Variants in RGS7 observed in about 807,000 individuals in gnomAD.
RGS7 encodes regulator of G protein signaling 7, also known as regulator of G-protein signaling 7.
RGS7 carries 27 observed loss-of-function variants against 81.1 expected under a neutral mutation model. The observed-to-expected ratio is 0.33, with a 90% CI of 0.25 to 0.46. RGS7 has a LOEUF of 0.46. RGS7 is among the 20% of genes least tolerant of loss of function. The pLI is 1.00. For synonymous variants in RGS7, 208 were observed against 207.7 expected (o/e 1.00, Z -0.01); for missense variants, 396 against 607.4 (o/e 0.65, Z 3.66).
intron 6 of RGS7, chr1:240,919,661 G>T: frequency 2.0e-6 from 1 of 504,926 alleles, no homozygotes. Context: ...TCATGCCTAA[G>T]TCAGAGTCTC....
chr1:241,197,080 A>G (rs931753799), intron 2 of RGS7, among the ~76,000 whole-genome samples: 1 of 151,688 alleles, frequency 6.6e-6, no homozygotes, highest in Non-Finnish European at 1.5e-5. Context: ...TAATATATCA[A>G]TAACATTAAA....
chr1:240,992,457 T>TTG (rs1686592547), intron 3 of RGS7, among the ~76,000 whole-genome samples: 1 of 151,736 alleles, frequency 6.6e-6, no homozygotes, highest in African/African-American at 2.4e-5. Context: ...TGAGCCAAGA[T>TTG]CACGCCACTG....
chr1:241,220,994 G>GAAGAAAGA (rs1491445106), intron 2 of RGS7, among the ~76,000 whole-genome samples: 1,340 of 93,420 alleles, frequency 0.014, 35 homozygotes, highest in Middle Eastern at 0.019. Flanking sequence ...AGGAAGGAAG[G>GAAGAAAGA]AAGAGAGAGA....
intron 2 of RGS7, among the ~76,000 whole-genome samples, chr1:241,111,608 T>C (rs976072049): frequency 6.7e-6 from 1 of 148,254 alleles, no homozygotes; most frequent in Admixed American, 6.7e-5. Context: ...AGACCCCCCC[T>C]CTCTACAAGT....
chr1:240,783,903 C>CGGTGATTCAT (rs1277399989), intron 18 of RGS7, among the ~76,000 whole-genome samples: 3 of 150,006 alleles, frequency 2.0e-5, no homozygotes, highest in Non-Finnish European at 4.4e-5. Context: ...TGGCCAGGTG[C>CGGTGATTCAT]GGTGATTCAT....
chr1:240,812,015 G>A lies in RGS7; in HGVS notation c.985C>T (p.Arg329Ter), dbSNP rs1171026927. The change falls in exon 14 of 19, where the codon CGA becomes TGA. Residue 329 changes from arginine to a stop codon, truncating the protein, a stop_gained. Coordinates refer to ENST00000440928, the MANE Select transcript of RGS7 (RefSeq NM_001364886.1). LOFTEE classifies it high-confidence loss of function. ...SKEPSQQRVKRWGFGMDEALK... is the reference protein window; with the variant it reads ...SKEPSQQRVK ...GCCTCGTCCATGCCAAAACCCCATCGTTTTACCCTCTGCTGGCTCGGTTCT... is the reference window on the plus strand; with the variant it reads ...GCCTCGTCCATGCCAAAACCCCATCATTTTACCCTCTGCTGGCTCGGTTCT... 6.2e-7 allele frequency: 1 copy of A among 1,614,058 alleles called. No individual in the cohort carries two copies. The highest frequency in any genetic ancestry group is 8.5e-7 in the Non-Finnish European group (1 of 1,180,004).
intron 2 of RGS7, among the ~76,000 whole-genome samples, chr1:241,128,777 C>A (rs1185489508): frequency 2.9e-3 from 227 of 77,886 alleles, no homozygotes; most frequent in Admixed American, 5.9e-3. Flanking sequence ...GAATAATAGG[C>A]AAAAAAAAAA....
At chr1:241,262,335 G>C (rs1225356781) in intron 2 of RGS7, among the ~76,000 whole-genome samples, 1 of 152,180 alleles carries the variant, frequency 6.6e-6, no homozygotes, top group Non-Finnish European at 1.5e-5. Context: ...TGTGACATTT[G>C]GATGAGAATT....
intron 9 of RGS7, among the ~76,000 whole-genome samples, chr1:240,834,810 C>T (rs1012916617): frequency 1.1e-4 from 16 of 152,082 alleles, no homozygotes; most frequent in Middle Eastern, 3.2e-3. Flanking sequence ...CGCGCCCAGC[C>T]CGACTTTGGC....
intron 2 of RGS7, among the ~76,000 whole-genome samples, chr1:241,335,388 T>G (rs2082185686): frequency 6.6e-6 from 1 of 151,742 alleles, no homozygotes; most frequent in South Asian, 2.1e-4. Context: ...GTTTAATGAT[T>G]CTGGAATTGG....
chr1:240,931,412 T>TTAAGTA (rs1449517773), intron 5 of RGS7, among the ~76,000 whole-genome samples: 7 of 152,124 alleles, frequency 4.6e-5, no homozygotes, highest in Admixed American at 1.3e-4. Flanking sequence ...AATTATACAT[T>TTAAGTA]TAAAAATAAC....
At chr1:240,947,091 T>C (rs1678757657) in intron 4 of RGS7, among the ~76,000 whole-genome samples, 1 of 152,208 alleles carries the variant, frequency 6.6e-6, no homozygotes, top group South Asian at 2.1e-4. Context: ...AGTGGATCAG[T>C]AATCTTGGTG....
At chr1:241,115,565 T>C (rs1001728879) in intron 2 of RGS7, among the ~76,000 whole-genome samples, 4 of 152,190 alleles carry the variant, frequency 2.6e-5, no homozygotes, top group Non-Finnish European at 5.9e-5. Context: ...ATTGTATGTG[T>C]ATTGATTTGT....
chr1:240,932,743 C>T (rs1477905462), intron 5 of RGS7, among the ~76,000 whole-genome samples: 7 of 150,710 alleles, frequency 4.6e-5, no homozygotes, highest in Admixed American at 1.3e-4. Context: ...CTCCTGACCT[C>T]GTGATCCGCC....
chr1:241,278,338 T>C (rs1054192112), intron 2 of RGS7, among the ~76,000 whole-genome samples: 1 of 152,224 alleles, frequency 6.6e-6, no homozygotes, highest in African/African-American at 2.4e-5. Flanking sequence ...ATTGGGAAGA[T>C]TTTTTAGATG....
At chr1:241,145,625 A>G (rs1558126584) in intron 2 of RGS7, among the ~76,000 whole-genome samples, 2 of 152,162 alleles carry the variant, frequency 1.3e-5, no homozygotes. Context: ...CATGCCTGCA[A>G]TCCCAGCTAC....
chr1:241,026,447 G>T (rs2059788063), intron 3 of RGS7, among the ~76,000 whole-genome samples: 1 of 152,064 alleles, frequency 6.6e-6, no homozygotes, highest in South Asian at 2.1e-4. Flanking sequence ...AAATTAGCCA[G>T]ACATGGTTGC....
At chr1:241,013,173 G>C (rs1456707340) in intron 3 of RGS7, among the ~76,000 whole-genome samples, 1 of 148,424 alleles carries the variant, frequency 6.7e-6, no homozygotes, top group Non-Finnish European at 1.5e-5. Context: ...AGCGATTCTC[G>C]TGCCTCAGCC....
chr1:241,311,320 TAAAAAACAA>T (rs2080517407), intron 2 of RGS7, among the ~76,000 whole-genome samples: 1 of 151,920 alleles, frequency 6.6e-6, no homozygotes, highest in Admixed American at 6.6e-5. Context: ...CTGTGCCACA[TAAAAAACAA>T]AGATAGGAAC....
Sources: gnomAD v4.1 joint callset for allele counts (sites outside exome capture counted in the v4.1 genomes callset) on GRCh38, gnomAD v4.1.1 for gene constraint, MANE v1.5 for transcripts, NCBI Gene and HGNC (gene_info 2026-07-23, HGNC 2026-07-21) for gene names.